Variants in FGF14 observed in about 807,000 individuals in gnomAD.
FGF14 encodes the protein fibroblast growth factor 14, also known as fibroblast growth factor homologous factor 4.
FGF14 carries 5 observed loss-of-function variants against 25.5 expected under a neutral mutation model. The ratio of observed to expected loss-of-function variants is 0.20; its 90% CI spans 0.10 to 0.41. The LOEUF (loss-of-function observed/expected upper bound fraction) is 0.41. Among genes scored for constraint, FGF14 ranks in the 10% least tolerant of loss-of-function variants. The pLI, the probability that FGF14 is intolerant of heterozygous loss-of-function variation, is 1.00. For missense variants in FGF14, 222 were observed against 320.1 expected (o/e 0.69, Z 2.34); for synonymous variants, 138 against 118.3 (o/e 1.17, Z -1.08).
At chr13:102,143,651 T>A (rs1439750743) in intron 1 of FGF14, among the ~76,000 whole-genome samples, 1 of 152,220 alleles carries the variant, frequency 6.6e-6, no homozygotes, top group East Asian at 1.9e-4. Flanking sequence ...GATTTGAGAA[T>A]CAGTTATTCA....
chr13:101,951,487 T>TA (rs971484838), intron 1 of FGF14, among the ~76,000 whole-genome samples: 3 of 152,152 alleles, frequency 2.0e-5, no homozygotes, highest in African/African-American at 7.2e-5. Flanking sequence ...TTGATTATAT[T>TA]AAATAGATTC....
At chr13:102,202,865 T>C (rs1019211373) in intron 1 of FGF14, among the ~76,000 whole-genome samples, 2 of 152,198 alleles carry the variant, frequency 1.3e-5, no homozygotes, top group African/African-American at 4.8e-5. Flanking sequence ...GCAGTGCTGC[T>C]GTGCTTTTAA....
At position 101,720,282 on chromosome 13, in the gene FGF14, T is replaced by C. The variant is rs1005181034; in HGVS notation, c.*2549A>G. The C allele has an allele frequency of 3.3e-5, 5 of 152,188 alleles. No individual in the cohort carries two copies. The highest frequency in any genetic ancestry group is 7.4e-5 in the Non-Finnish European group (5 of 67,986). 9.4% of individuals were successfully genotyped at this position (152,188 alleles called of 1,614,324 possible). ...GTAAATGACCTAACTCAATTACAAA[T>C]AACAAGGACCCCTCTGCAATATGTC... On this transcript the variant is annotated 3_prime_UTR_variant, in exon 5 of 5. Coordinates refer to ENST00000376143, the MANE Select transcript of FGF14 (RefSeq NM_004115.4).
chr13:101,984,304 T>C (rs1484593074), intron 1 of FGF14, among the ~76,000 whole-genome samples: 1 of 152,192 alleles, frequency 6.6e-6, no homozygotes, highest in Non-Finnish European at 1.5e-5. Flanking sequence ...TAATTGGTTT[T>C]AGTAGTCTTA....
At chr13:102,204,552 T>C (rs892071311) in intron 1 of FGF14, among the ~76,000 whole-genome samples, 10 of 152,118 alleles carry the variant, frequency 6.6e-5, no homozygotes, top group African/African-American at 2.4e-4. Context: ...TATTTTATTT[T>C]ATTTTATTTT....
chr13:102,087,403 A>ATT (rs1485606038), intron 1 of FGF14, among the ~76,000 whole-genome samples: 21 of 80,514 alleles, frequency 2.6e-4, no homozygotes, highest in African/African-American at 8.4e-4. Context: ...ATAGACTGTA[A>ATT]TTTCTTTTTT....
rs184202112 is a variant in FGF14 at position 102,339,052 on chromosome 13, T to C, written c.208+62419A>G. On this transcript the variant is annotated intron_variant, in intron 1 of 4. Coordinates refer to the FGF14 transcript ENST00000376131. Reference sequence around the variant, plus strand: ...AAAGAAAAGAAAAGTTCCCTGAAAATAAAAATATAAATATGTAATTTTTTA... The same window carrying C: ...AAAGAAAAGAAAAGTTCCCTGAAAACAAAAATATAAATATGTAATTTTTTA... Among the ~76,000 whole-genome samples the C allele has an allele frequency of 6.1e-5, 9 of 147,736 alleles. No homozygotes were observed. The East Asian group carries it at 1.8e-3, about 29-fold the overall frequency.
intron 3 of FGF14, among the ~76,000 whole-genome samples, chr13:101,749,685 T>C (rs1043074479): frequency 1.3e-5 from 2 of 152,176 alleles, no homozygotes; most frequent in Non-Finnish European, 2.9e-5. Context: ...TAGCAAATGT[T>C]GCATCTGAGA....
intron 1 of FGF14, among the ~76,000 whole-genome samples, chr13:101,951,965 T>C (rs990216369): frequency 3.9e-5 from 6 of 152,194 alleles, no homozygotes; most frequent in African/African-American, 1.4e-4. Flanking sequence ...GTTTACAGAA[T>C]TTTCCAATCA....
intron 3 of FGF14, among the ~76,000 whole-genome samples, chr13:101,859,257 A>G (rs1157784728): frequency 1.3e-5 from 2 of 152,100 alleles, no homozygotes; most frequent in Non-Finnish European, 2.9e-5. Context: ...AAAACTCCCT[A>G]CATAGCTGTC....
chr13:101,758,261 T>C lies in FGF14; in HGVS notation c.409-31451A>G, dbSNP rs552270372. 7.9e-5 allele frequency among the ~76,000 whole-genome samples: 12 copies of C among 152,252 alleles called. No individual in the cohort carries two copies. The South Asian group carries it at 2.1e-3, about 26-fold the overall frequency. On this transcript the variant is annotated intron_variant, in intron 3 of 4. Transcript: ENST00000376143. ...TCATTGTTTTATTCAGACAAGGAAATGGAAGCTGAGAGCAGCAGTTCTAAC... is the reference window on the plus strand; with the variant it reads ...TCATTGTTTTATTCAGACAAGGAAACGGAAGCTGAGAGCAGCAGTTCTAAC...
At chr13:101,874,098 T>C (rs180830291) in intron 2 of FGF14, among the ~76,000 whole-genome samples, 118 of 152,134 alleles carry the variant, frequency 7.8e-4, no homozygotes, top group African/African-American at 2.6e-3. Context: ...CAAAACGACA[T>C]GTAAAAATAA....
Position 101,719,198 on chromosome 13 carries a change from T to C in FGF14, c.*3633A>G, listed in dbSNP as rs901153412. ...TCTAACTTACTTAAAGAATAAGTTT[T>C]TGGTTTTTGCTTTTAAAGACAACCA... On this transcript the variant is annotated 3_prime_UTR_variant, in exon 5 of 5. Coordinates refer to ENST00000376143, the MANE Select transcript of FGF14 (RefSeq NM_004115.4). 17 of 152,166 alleles carry C rather than the reference T, an allele frequency of 1.1e-4. No individual in the cohort carries two copies. The highest frequency in any genetic ancestry group is 3.9e-4 in the African/African-American group (16 of 41,456). 9.4% of individuals were successfully genotyped at this position (152,166 alleles called of 1,614,324 possible). A position where few individuals can be genotyped will look rare whatever the true frequency, so the allele number is the denominator to read the frequency against.
intron 1 of FGF14, among the ~76,000 whole-genome samples, chr13:102,124,846 G>T (rs77615158): frequency 6.6e-6 from 1 of 152,036 alleles, no homozygotes; most frequent in African/African-American, 2.4e-5. Flanking sequence ...AGGAACAAAA[G>T]CTTATGATGG....
At chr13:102,165,980 T>G (rs1308489483) in intron 1 of FGF14, among the ~76,000 whole-genome samples, 1 of 151,850 alleles carries the variant, frequency 6.6e-6, no homozygotes, top group Non-Finnish European at 1.5e-5. Flanking sequence ...TGCACAGTTC[T>G]GTGGGAATAA....
At chr13:102,142,133 G>A (rs1594123093) in intron 1 of FGF14, among the ~76,000 whole-genome samples, 1 of 152,110 alleles carries the variant, frequency 6.6e-6, no homozygotes, top group South Asian at 2.1e-4. Context: ...ATGGCAAAAT[G>A]CCACAAATTA....
At chr13:102,250,946 A>G (rs1174841185) in intron 1 of FGF14, among the ~76,000 whole-genome samples, 1 of 152,198 alleles carries the variant, frequency 6.6e-6, no homozygotes, top group Non-Finnish European at 1.5e-5. Context: ...TTGCTTAGCT[A>G]ACCTCATTGA....
At chr13:101,867,235 T>C (rs1457325013) in intron 3 of FGF14, among the ~76,000 whole-genome samples, 1 of 152,172 alleles carries the variant, frequency 6.6e-6, no homozygotes, top group Non-Finnish European at 1.5e-5. Context: ...ATCAATACTT[T>C]TATTTTAGGC....
intron 3 of FGF14, among the ~76,000 whole-genome samples, chr13:101,780,877 C>A (rs2039446282): frequency 6.6e-6 from 1 of 152,114 alleles, no homozygotes; most frequent in African/African-American, 2.4e-5. Context: ...TAACGTTCCT[C>A]CGAAGCAGAC....
Sources: allele counts gnomAD v4.1 joint callset (sites outside exome capture counted in the v4.1 genomes callset), GRCh38; gene constraint gnomAD v4.1.1; transcripts MANE v1.5; gene names NCBI Gene and HGNC (gene_info 2026-07-23, HGNC 2026-07-21).